AKAP12: variants seen among roughly 807,000 people sequenced by gnomAD.
AKAP12 encodes the protein A-kinase anchor protein 12.
AKAP12 carries 32 observed loss-of-function variants against 79.9 expected under a neutral mutation model. That is an observed-to-expected ratio of 0.40 (90% CI 0.30 to 0.54). The LOEUF is 0.54. Among genes scored for constraint, AKAP12 ranks in the 20% least tolerant of loss-of-function variants. The pLI, the probability that AKAP12 is intolerant of heterozygous loss-of-function variation, is 0.48. For missense variants in AKAP12, 2,074 were observed against 2,177.0 expected (o/e 0.95, Z 0.94); for synonymous variants, 808 against 857.0 (o/e 0.94, Z 1.00).
intron 3 of AKAP12, among the ~76,000 whole-genome samples, chr6:151,311,489 C>G (rs777495853): frequency 6.6e-6 from 1 of 152,174 alleles, no homozygotes; most frequent in Non-Finnish European, 1.5e-5. Flanking sequence ...TGGACCGCCA[C>G]TGTGACACCA....
At chr6:151,348,078 A>T (rs1582899010) in intron 3 of AKAP12, among the ~76,000 whole-genome samples, 1 of 152,044 alleles carries the variant, frequency 6.6e-6, no homozygotes, top group Non-Finnish European at 1.5e-5. Context: ...GCGTGAACCC[A>T]GGAGGCGGAG....
intron 3 of AKAP12, among the ~76,000 whole-genome samples, chr6:151,339,856 G>A (rs754574561): frequency 7.9e-5 from 12 of 151,844 alleles, no homozygotes; most frequent in African/African-American, 1.2e-4. Context: ...TCCTCAGAGC[G>A]TCTTCTTTTG....
At chr6:151,246,970 T>G (rs1797086881) in intron 2 of AKAP12, among the ~76,000 whole-genome samples, 1 of 152,098 alleles carries the variant, frequency 6.6e-6, no homozygotes, top group Non-Finnish European at 1.5e-5. Context: ...TTTGTTTATT[T>G]TTGGTAGAGA....
chr6:151,332,317 T>A (rs1318462367), intron 3 of AKAP12, among the ~76,000 whole-genome samples: 2 of 152,126 alleles, frequency 1.3e-5, no homozygotes, highest in Non-Finnish European at 2.9e-5. Flanking sequence ...ATTACAGACG[T>A]GAGCCACCGC....
intron 3 of AKAP12, chr6:151,343,893 T>A (rs764569023): frequency 6.8e-6 from 3 of 438,378 alleles, no homozygotes; most frequent in Non-Finnish European, 1.3e-5. Context: ...TAGGAACAAA[T>A]AGAAACTTAA....
In AKAP12 at chr6:151,350,446, G is replaced by A. The variant is rs111336910; in HGVS notation, c.2055G>A (p.Val685=). 6.3e-5 allele frequency: 101 copies of A among 1,614,036 alleles called. 1 individual carries two copies. In the African/African-American group the frequency reaches 9.5e-4, roughly 15 times the overall value. Residue 685 remains valine, a synonymous_variant, in exon 4 of 5, where the codon GTG becomes GTA. Coordinates refer to ENST00000402676, the MANE Select transcript of AKAP12 (RefSeq NM_005100.4). This position sits in a 1 kb window ranked among gnomAD's most constrained non-coding sequence, Gnocchi z 4.8. Reference sequence around the variant, plus strand: ...TATCTTGGGAAGCTTTAATTTGTGTGGGATCATCCAAGAAAAGAGCAAGGA... The same window carrying A: ...TATCTTGGGAAGCTTTAATTTGTGTAGGATCATCCAAGAAAAGAGCAAGGA... ...TSVSWEALIC[V]GSSKKRARRG...
At position 151,351,158 on chromosome 6, in the gene AKAP12, G is replaced by A; in HGVS notation, c.2767G>A (p.Glu923Lys). ...WISASVTEPLEQVEAEAALLT... is the reference protein window; with the variant it reads ...WISASVTEPLKQVEAEAALLT... ...ATCTGCTTCAGTGACAGAACCTCTTGAACAAGTAGAAGCTGAAGCCGCACT... is the reference window on the plus strand; with the variant it reads ...ATCTGCTTCAGTGACAGAACCTCTTAAACAAGTAGAAGCTGAAGCCGCACT... The change falls in exon 4 of 5, where the codon GAA becomes AAA. Residue 923 changes from glutamate (E) to lysine (K), a missense_variant. By Grantham distance (56) the Glu-to-Lys change is moderately conservative (BLOSUM62 1). Transcript: ENST00000402676. The surrounding 1 kb of genome is among the most constrained non-coding windows in gnomAD (Gnocchi z 4.4). 3.1e-6 allele frequency: 5 copies of A among 1,614,200 alleles called. No homozygotes were observed. The highest frequency in any genetic ancestry group is 4.2e-6 in the Non-Finnish European group (5 of 1,180,048).
intron 2 of AKAP12, among the ~76,000 whole-genome samples, chr6:151,272,355 A>C (rs1376105776): frequency 6.6e-6 from 1 of 150,938 alleles, no homozygotes; most frequent in East Asian, 1.9e-4. Context: ...AAAAAAAAAA[A>C]AAAACAAAAA....
chr6:151,274,127 A>C (rs2114715424), intron 2 of AKAP12, among the ~76,000 whole-genome samples: 1 of 146,536 alleles, frequency 6.8e-6, no homozygotes, highest in African/African-American at 2.5e-5. Flanking sequence ...GGTGGAGGGC[A>C]GTGGCGCAAT....
chr6:151,272,795 G>A (rs932732318), intron 2 of AKAP12, among the ~76,000 whole-genome samples: 3 of 152,212 alleles, frequency 2.0e-5, no homozygotes, highest in African/African-American at 4.8e-5. Flanking sequence ...GCCTCCCAAA[G>A]TGCTGGGATT....
rs755481433 is a variant in AKAP12 at position 151,345,961 on chromosome 6, GAGAA to G, written c.320-2747_320-2744del. Among the ~76,000 whole-genome samples the G allele has an allele frequency of 4.4e-3, 628 of 143,168 alleles. 4 individuals are homozygous for G. Among genetic ancestry groups the G allele is most frequent in the Non-Finnish European group, 5.4e-3 (347 of 64,854 alleles). The allele number at this position is 143,168 out of a possible 152,430, so 93.9% of individuals were successfully genotyped here. On this transcript the variant is annotated intron_variant, in intron 3 of 4. Transcript: ENST00000402676. ...AGAGAGAGAGAGAGAGAGAGAGAGA[GAGAA>G]AGGAGAGACAGTTGTTTTTAAGCCA... is the stretch of plus-strand genomic sequence containing the variant.
At chr6:151,308,708 G>T (rs1777028004) in intron 3 of AKAP12, among the ~76,000 whole-genome samples, 1 of 152,160 alleles carries the variant, frequency 6.6e-6, no homozygotes, top group South Asian at 2.1e-4. Flanking sequence ...TAGGTTCTCT[G>T]TGGCAACTTG....
chr6:151,324,720 C>T, intron 3 of AKAP12: 4 of 985,370 alleles, frequency 4.1e-6, no homozygotes, highest in Non-Finnish European at 4.8e-6. Flanking sequence ...GGAACAAACC[C>T]AGGGGACCTA....
Position 151,330,496 on chromosome 6 carries a change from A to G in AKAP12, c.320-18215A>G, listed in dbSNP as rs191527164. Among the ~76,000 whole-genome samples the G allele has an allele frequency of 2.8e-3, 433 of 152,312 alleles. 3 individuals are homozygous for G. Among genetic ancestry groups the G allele is most frequent in the African/African-American group, 0.01 (419 of 41,562 alleles). On this transcript the variant is annotated intron_variant, in intron 3 of 4. Coordinates refer to ENST00000402676, the MANE Select transcript of AKAP12 (RefSeq NM_005100.4). ...CCTGGAAAAATTCCAGGACAATGCT[A>G]CGAATCTTGGGGGAAAGATAACTAG...
intron 2 of AKAP12, among the ~76,000 whole-genome samples, chr6:151,267,128 T>G (rs1776057969): frequency 1.3e-5 from 2 of 150,784 alleles, no homozygotes; most frequent in South Asian, 4.2e-4. Context: ...TTCTTGAGAT[T>G]TTGTAAAAAA....
chr6:151,320,999 T>C (rs1368519253), intron 3 of AKAP12, among the ~76,000 whole-genome samples: 3 of 152,164 alleles, frequency 2.0e-5, no homozygotes, highest in East Asian at 3.9e-4. Context: ...TTTCTTTTTT[T>C]TTTTTGAGAG....
chr6:151,320,229 C>T (rs908073861), intron 3 of AKAP12, among the ~76,000 whole-genome samples: 1 of 151,988 alleles, frequency 6.6e-6, no homozygotes, highest in African/African-American at 2.4e-5. Context: ...GGTCCCGCCT[C>T]CAGACTGCCC....
At chr6:151,298,158 G>T (rs146546646) in intron 2 of AKAP12, among the ~76,000 whole-genome samples, 6 of 152,110 alleles carry the variant, frequency 3.9e-5, no homozygotes, top group African/African-American at 1.4e-4. Flanking sequence ...GTTTAAAAAA[G>T]AAAAGAAAAG....
chr6:151,288,836 C>T (rs1003051555), intron 2 of AKAP12, among the ~76,000 whole-genome samples: 2 of 152,140 alleles, frequency 1.3e-5, no homozygotes, highest in Admixed American at 6.5e-5. Context: ...GTCTGTGTTC[C>T]GCTGTATTGC....
Sources: gnomAD v4.1 joint callset for allele counts (sites outside exome capture counted in the v4.1 genomes callset) on GRCh38, gnomAD v4.1.1 for gene constraint, Gnocchi (gnomAD v3.1) non-coding constraint, MANE v1.5 for transcripts, NCBI Gene and HGNC (gene_info 2026-07-23, HGNC 2026-07-21) for gene names.